The following NCAM1 variants were observed in gnomAD, a reference collection of about 807,000 sequenced individuals.
The protein encoded by NCAM1 is neural cell adhesion molecule 1, also known as antigen recognized by monoclonal antibody 5.1H11.
A neutral mutation model predicts 109.8 loss-of-function variants in NCAM1; 14 were observed. That is an observed-to-expected ratio of 0.13 (90% CI 0.08 to 0.20). The LOEUF (loss-of-function observed/expected upper bound fraction) is 0.20. Ranked by LOEUF, NCAM1 falls within the 10% of genes least tolerant of loss-of-function variation. The pLI is 1.00. For missense variants in NCAM1, 774 were observed against 1,109.9 expected, an observed-to-expected ratio of 0.70 and a Z score of 4.30; for synonymous variants, 418 against 442.9, an observed-to-expected ratio of 0.94 and a Z score of 0.70.
intron 1 of NCAM1, among the ~76,000 whole-genome samples, chr11:113,123,399 TC>T (rs1446726250): frequency 6.6e-6 from 1 of 152,196 alleles, no homozygotes; most frequent in Admixed American, 6.5e-5. Context: ...GGGTGCTTAC[TC>T]TTTCCATCTT....
At chr11:113,177,356 T>C (rs1943188333) in intron 1 of NCAM1, among the ~76,000 whole-genome samples, 1 of 152,004 alleles carries the variant, frequency 6.6e-6, no homozygotes, top group Non-Finnish European at 1.5e-5. Context: ...CACCAGAAAA[T>C]AAGATGGGAT....
At chr11:112,985,225 C>T (rs1951267314) in intron 1 of NCAM1, among the ~76,000 whole-genome samples, 1 of 149,608 alleles carries the variant, frequency 6.7e-6, no homozygotes, top group Non-Finnish European at 1.5e-5. Context: ...TTTCTGGATT[C>T]TCTGTCCTAT....
At chr11:113,038,030 C>T (rs1252381062) in intron 1 of NCAM1, among the ~76,000 whole-genome samples, 3 of 152,208 alleles carry the variant, frequency 2.0e-5, no homozygotes, top group Admixed American at 6.5e-5. Context: ...CACTACCAAC[C>T]AGGGGCTTCC....
chr11:113,053,642 G>T (rs967210688), intron 1 of NCAM1, among the ~76,000 whole-genome samples: 2 of 152,108 alleles, frequency 1.3e-5, no homozygotes, highest in East Asian at 3.9e-4. Flanking sequence ...TGTGAAGTTT[G>T]GGGTTATAGA....
intron 1 of NCAM1, among the ~76,000 whole-genome samples, chr11:113,087,680 C>T (rs1193483497): frequency 6.6e-6 from 1 of 152,186 alleles, no homozygotes; most frequent in Non-Finnish European, 1.5e-5. Flanking sequence ...GCATGAATAA[C>T]TCAATTTGTT....
At chr11:113,112,005 C>T (rs1008075475) in intron 1 of NCAM1, among the ~76,000 whole-genome samples, 3 of 152,192 alleles carry the variant, frequency 2.0e-5, no homozygotes, top group Non-Finnish European at 4.4e-5. Context: ...TCTCCCAGAA[C>T]ATGGTTGCTT....
intron 1 of NCAM1, among the ~76,000 whole-genome samples, chr11:113,201,186 G>A (rs1382950802): frequency 6.6e-6 from 1 of 152,122 alleles, no homozygotes. Context: ...CCAGCCCCAA[G>A]CAGGCCCTCT....
At chr11:113,223,206 G>T (rs782735509) in intron 9 of NCAM1, among the ~76,000 whole-genome samples, 1 of 152,112 alleles carries the variant, frequency 6.6e-6, no homozygotes, top group Non-Finnish European at 1.5e-5. Flanking sequence ...TGGCTGGTAG[G>T]TGGCACACCC....
At chr11:112,970,128 G>A (rs1239408122) in intron 1 of NCAM1, among the ~76,000 whole-genome samples, 1 of 152,160 alleles carries the variant, frequency 6.6e-6, no homozygotes, top group Non-Finnish European at 1.5e-5. Context: ...CTTGGGGCAA[G>A]CCATATTTAA....
chr11:112,976,764 A>G (rs1951018507), intron 1 of NCAM1, among the ~76,000 whole-genome samples: 2 of 151,910 alleles, frequency 1.3e-5, no homozygotes, highest in Admixed American at 1.3e-4. Context: ...TTTTTGAAAT[A>G]TTTTGGCTAA....
At chr11:112,972,836 G>A (rs1020888410) in intron 1 of NCAM1, among the ~76,000 whole-genome samples, 28 of 152,044 alleles carry the variant, frequency 1.8e-4, no homozygotes, top group African/African-American at 6.5e-4. Flanking sequence ...CTGATGTCCA[G>A]GACACTTGGC....
chr11:113,259,700 CTTTT>C (rs61638375), intron 16 of NCAM1, among the ~76,000 whole-genome samples: 5 of 113,460 alleles, frequency 4.4e-5, no homozygotes, highest in African/African-American at 1.4e-4. Flanking sequence ...CCCATCATTG[CTTTT>C]TTTTTTTTTT....
chr11:113,158,218 A>AAAGCTTG (rs1189559076), intron 1 of NCAM1, among the ~76,000 whole-genome samples: 12 of 152,206 alleles, frequency 7.9e-5, no homozygotes, highest in Non-Finnish European at 1.8e-4. Context: ...TCTTCACTTG[A>AAAGCTTG]AAGCTTGAAT....
intron 1 of NCAM1, among the ~76,000 whole-genome samples, chr11:113,006,069 A>G (rs1951887424): frequency 6.6e-6 from 1 of 152,170 alleles, no homozygotes; most frequent in Admixed American, 6.5e-5. Flanking sequence ...CTCCTGGCTA[A>G]TACATGTCCT....
intron 1 of NCAM1, among the ~76,000 whole-genome samples, chr11:112,994,704 G>T (rs559678802): frequency 6.6e-6 from 1 of 152,236 alleles, no homozygotes; most frequent in African/African-American, 2.4e-5. Context: ...TTCTGCACCT[G>T]GAGGCTATCT....
At chr11:113,103,484 A>T (rs1939968387) in intron 1 of NCAM1, among the ~76,000 whole-genome samples, 2 of 151,756 alleles carry the variant, frequency 1.3e-5, no homozygotes, top group Non-Finnish European at 1.5e-5. Context: ...GTCAGCAAAA[A>T]CTCTCAACCC....
At chr11:113,251,465 A>G (rs1280515675) in intron 15 of NCAM1, among the ~76,000 whole-genome samples, 1 of 152,246 alleles carries the variant, frequency 6.6e-6, no homozygotes, top group Non-Finnish European at 1.5e-5. Context: ...TGCCTATGAT[A>G]TATCTGACTA....
intron 1 of NCAM1, among the ~76,000 whole-genome samples, chr11:113,088,485 G>C (rs1460946715): frequency 6.6e-6 from 1 of 152,180 alleles, no homozygotes; most frequent in Non-Finnish European, 1.5e-5. Flanking sequence ...AGTCCAAACT[G>C]ACTGACCATG....
At chr11:113,234,688 A>G (rs113886534) in intron 13 of NCAM1, among the ~76,000 whole-genome samples, 2,309 of 152,378 alleles carry the variant, frequency 0.015, 26 homozygotes, top group Non-Finnish European at 0.023. Flanking sequence ...TCATGTATCC[A>G]TTCATCAGTC....
Sources: allele counts gnomAD v4.1 joint callset (sites outside exome capture counted in the v4.1 genomes callset), GRCh38; gene constraint gnomAD v4.1.1; transcripts MANE v1.5; gene names NCBI Gene and HGNC (gene_info 2026-07-23, HGNC 2026-07-21).